FBH1: variants seen among roughly 807,000 people sequenced by gnomAD.
FBH1 encodes the protein F-box DNA helicase 1, also known as DNA 3'-5' helicase 1.
FBH1 carries 43 observed loss-of-function variants against 115.5 expected under a neutral mutation model. The observed-to-expected ratio is 0.37, with a 90% CI of 0.29 to 0.48. FBH1 has a LOEUF of 0.48. Ranked by LOEUF, FBH1 falls within the 20% of genes least tolerant of loss-of-function variation. The pLI, the probability that FBH1 is intolerant of heterozygous loss-of-function variation, is 0.99. For synonymous variants in FBH1, 524 were observed against 507.8 expected, an observed-to-expected ratio of 1.03 and a Z score of -0.43; for missense variants, 1,001 against 1,337.3, an observed-to-expected ratio of 0.75 and a Z score of 3.92.
Position 5,900,639 on chromosome 10 carries a change from A to G in FBH1, c.2-2381A>G, listed in dbSNP as rs937954378. Among the ~76,000 whole-genome samples, 2 of 152,246 alleles carry G rather than the reference A, an allele frequency of 1.3e-5. No individual in the cohort carries two copies. Among genetic ancestry groups the G allele is most frequent in the African/African-American group, 2.4e-5 (1 of 41,466 alleles). On this transcript the variant is annotated intron_variant, in intron 1 of 20. Transcript: ENST00000362091. This position sits in a 1 kb window ranked among gnomAD's most constrained non-coding sequence, Gnocchi z 4.2. ...ATTGATTTTGGAAAAGTCTTAAAAT[A>G]TTCATGAAGTTTTTTTTTAAAAAAG...
rs1589127598 is a variant in FBH1, at chr10:5,936,403, A to G, written c.2830-53A>G. On this transcript the variant is annotated intron_variant, in intron 19 of 20. Transcript: ENST00000362091. The surrounding 1 kb of genome is among the most constrained non-coding windows in gnomAD (Gnocchi z 5.6). ...AGCCGCCGCTATCAGTGTTTCCAGT[A>G]GACCCTAACGGAGGTGTCGCCATGA... The G allele has an allele frequency of 6.3e-7, 1 of 1,597,554 alleles. No homozygotes were observed. Among genetic ancestry groups the G allele is most frequent in the East Asian group, 2.2e-5 (1 of 44,450 alleles).
In FBH1 at chr10:5,917,066, A is replaced by C; in HGVS notation, c.1789-354A>C. 4.1e-6 allele frequency: 1 copy of C among 245,034 alleles called. No homozygotes were observed. Among genetic ancestry groups the C allele is most frequent in the Non-Finnish European group, 8.1e-6 (1 of 123,190 alleles). 15.2% of individuals were successfully genotyped at this position (245,034 alleles called of 1,614,324 possible). On this transcript the variant is annotated intron_variant, in intron 10 of 20. Coordinates refer to ENST00000362091, the MANE Select transcript of FBH1 (RefSeq NM_178150.3). This position sits in a 1 kb window ranked among gnomAD's most constrained non-coding sequence, Gnocchi z 5.6. ...TATGGAATAGATTTTGCTAGTGGGA[A>C]AGTCTGTTTCTTTTTTTCATCAAGT...
intron 1 of FBH1, among the ~76,000 whole-genome samples, chr10:5,893,317 AAAAC>A (rs999142766): frequency 6.6e-5 from 10 of 152,316 alleles, no homozygotes; most frequent in East Asian, 1.9e-4. Context: ...CTGAAAACAA[AAAAC>A]AAACAAACAA....
Position 5,917,214 on chromosome 10 carries a change from G to A in FBH1, c.1789-206G>A. 3.4e-6 allele frequency: 2 copies of A among 584,708 alleles called. No individual in the cohort carries two copies. The highest frequency in any genetic ancestry group is 3.1e-6 in the Non-Finnish European group (1 of 325,312). The allele number at this position is 584,708 out of a possible 1,614,324, so 36.2% of individuals were successfully genotyped here. On this transcript the variant is annotated intron_variant, in intron 10 of 20. Transcript: ENST00000362091. The surrounding 1 kb of genome is among the most constrained non-coding windows in gnomAD (Gnocchi z 5.6). ...TCTGTCCTGTCACGGGCATGGCACG[G>A]CCCGGCTGCTTCCTGTCTCAGCACT...
intron 2 of FBH1, among the ~76,000 whole-genome samples, chr10:5,903,841 T>C (rs1048737080): frequency 7.9e-5 from 12 of 152,194 alleles, no homozygotes; most frequent in African/African-American, 2.9e-4. Context: ...TCATTGTTTT[T>C]CCTCCAAAAT....
At chr10:5,898,824 T>C (rs893951962) in intron 1 of FBH1, among the ~76,000 whole-genome samples, 5 of 152,220 alleles carry the variant, frequency 3.3e-5, no homozygotes, top group African/African-American at 1.2e-4. Flanking sequence ...CCACGCTATC[T>C]ACATACAGAG....
At position 5,903,011 on chromosome 10, in the gene FBH1, A is replaced by G. The variant is rs1843450747; in HGVS notation, c.2-9A>G. The stretch of plus-strand genomic sequence containing the variant: ...TATCCCCTTTCTTCTACCTGCTGGT[A>G]TGAAACAGTGAGACGGTTTAAGCGG... On this transcript the variant is annotated splice_polypyrimidine_tract_variant and intron_variant, in intron 1 of 20. Transcript: ENST00000362091. 4 of 1,601,976 alleles carry G rather than the reference A, an allele frequency of 2.5e-6. No individual in the cohort carries two copies. The highest frequency in any genetic ancestry group is 1.1e-5 in the South Asian group (1 of 89,620).
At chr10:5,894,656 C>A in intron 1 of FBH1, 1 of 700,726 alleles carries the variant, frequency 1.4e-6, no homozygotes. Context: ...CCAAGGAAGA[C>A]AGCCCACACT....
Position 5,921,626 on chromosome 10 carries a change from C to T in FBH1, c.2322+57C>T, listed in dbSNP as rs553241863. The T allele has an allele frequency of 1.5e-5, 23 of 1,552,508 alleles. No individual in the cohort carries two copies. The Admixed American group carries it at 4.7e-4, about 32-fold the overall frequency. On this transcript the variant is annotated intron_variant, in intron 15 of 20. Transcript: ENST00000362091. This position sits in a 1 kb window ranked among gnomAD's most constrained non-coding sequence, Gnocchi z 6.4. ...CACAGAAACGTTGTAGACGAACATA[C>T]CCAATGGAAATGTTCACCTTCCTTG...
intron 1 of FBH1, among the ~76,000 whole-genome samples, chr10:5,892,741 A>G (rs1842803724): frequency 6.6e-6 from 1 of 152,246 alleles, no homozygotes; most frequent in African/African-American, 2.4e-5. Flanking sequence ...AACATGGTTA[A>G]TGACATTAAC....
In FBH1 at chr10:5,932,721, T is replaced by C. The variant is rs1788520688; in HGVS notation, c.2830-3735T>C. On this transcript the variant is annotated intron_variant, in intron 19 of 20. Transcript: ENST00000362091. This position sits in a 1 kb window ranked among gnomAD's most constrained non-coding sequence, Gnocchi z 5.9. Reference sequence around the variant, plus strand: ...CAAGTGTGACTTTTCTGTTGTTTTGTTTTGTTTTGTTTTTGAGACAAGGCC... The same window carrying C: ...CAAGTGTGACTTTTCTGTTGTTTTGCTTTGTTTTGTTTTTGAGACAAGGCC... Among the ~76,000 whole-genome samples, 1 of 152,044 alleles carries C rather than the reference T, an allele frequency of 6.6e-6. No homozygotes were observed. Among genetic ancestry groups the C allele is most frequent in the Admixed American group, 6.5e-5 (1 of 15,268 alleles).
chr10:5,891,646 G>T (rs1269454477), intron 1 of FBH1, among the ~76,000 whole-genome samples: 1 of 152,232 alleles, frequency 6.6e-6, no homozygotes, highest in East Asian at 1.9e-4. Context: ...GTCTCGCTCT[G>T]TTGCTCCGGG....
chr10:5,906,342 C>G lies in FBH1; in HGVS notation c.463C>G (p.Pro155Ala). The G allele has an allele frequency of 1.9e-6, 3 of 1,614,226 alleles. No homozygotes were observed. In the South Asian group the frequency reaches 3.3e-5, roughly 18 times the overall value. ...AGCTCCACGGCACCATTTGTCTGTG[C>G]CATGCACAAGGCCTAGGGAGGCCAG... Reference protein sequence around the residue: ...KKAPRHHLSVPCTRPREARQE... With the variant: ...KKAPRHHLSVACTRPREARQE... Residue 155 changes from proline to alanine, a missense_variant, in exon 3 of 21, where the codon CCA becomes GCA. Physicochemically the swap from Pro to Ala is conservative, Grantham distance 27. Transcript: ENST00000362091. This position sits in a 1 kb window ranked among gnomAD's most constrained non-coding sequence, Gnocchi z 7.3.
intron 1 of FBH1, among the ~76,000 whole-genome samples, chr10:5,896,846 G>A (rs925742961): frequency 6.6e-6 from 1 of 152,164 alleles, no homozygotes; most frequent in African/African-American, 2.4e-5. Flanking sequence ...GGTGTAAAGT[G>A]CACTTGCTGT....
rs549078772 is a variant in FBH1 at position 5,936,381 on chromosome 10, C to T, written c.2830-75C>T. On this transcript the variant is annotated intron_variant, in intron 19 of 20. Coordinates refer to ENST00000362091, the MANE Select transcript of FBH1 (RefSeq NM_178150.3). This position sits in a 1 kb window ranked among gnomAD's most constrained non-coding sequence, Gnocchi z 5.6. ...TGCATCTAAAGGGTTCTCACAGAGC[C>T]GCCGCTATCAGTGTTTCCAGTAGAC... 73 of 1,552,192 alleles carry T rather than the reference C, an allele frequency of 4.7e-5. 2 individuals are homozygous for T. In the Admixed American group the frequency reaches 5.1e-4, roughly 11 times the overall value.
At chr10:5,898,226 AAGATCGAGGTGCCAGC>A (rs1459645741) in intron 1 of FBH1, among the ~76,000 whole-genome samples, 1 of 152,200 alleles carries the variant, frequency 6.6e-6, no homozygotes, top group Non-Finnish European at 1.5e-5. Flanking sequence ...CTGGAAGTCT[AAGATCGAGGTGCCAGC>A]AGATTTGGTG....
chr10:5,936,417 G>A lies in FBH1; in HGVS notation c.2830-39G>A. ...GTGTTTCCAGTAGACCCTAACGGAG[G>A]TGTCGCCATGACTCTCTTTCTCGCT... On this transcript the variant is annotated intron_variant, in intron 19 of 20. Coordinates refer to ENST00000362091, the MANE Select transcript of FBH1 (RefSeq NM_178150.3). The surrounding 1 kb of genome is among the most constrained non-coding windows in gnomAD (Gnocchi z 5.6). The A allele has an allele frequency of 3.1e-6, 5 of 1,606,666 alleles. No individual in the cohort carries two copies. Among genetic ancestry groups the A allele is most frequent in the Non-Finnish European group, 3.4e-6 (4 of 1,176,210 alleles).
At position 5,917,566 on chromosome 10, in the gene FBH1, C is replaced by G. The variant is rs768860092; in HGVS notation, c.1877-24C>G. ...TGGGACTGCCTTCCTGGCGTTACAA[C>G]TCCTGCGTCTCTCCTTATTTTAGGC... On this transcript the variant is annotated intron_variant, in intron 11 of 20. Coordinates refer to ENST00000362091, the MANE Select transcript of FBH1 (RefSeq NM_178150.3). This position sits in a 1 kb window ranked among gnomAD's most constrained non-coding sequence, Gnocchi z 5.6. 1 of 1,613,718 alleles carries G rather than the reference C, an allele frequency of 6.2e-7. No homozygotes were observed. Among genetic ancestry groups the G allele is most frequent in the Non-Finnish European group, 8.5e-7 (1 of 1,179,708 alleles).
rs1843248127 is a variant in FBH1, at chr10:5,900,108, T to C, written c.2-2912T>C. Among the ~76,000 whole-genome samples the C allele has an allele frequency of 6.6e-6, 1 of 152,338 alleles. No individual in the cohort carries two copies. The highest frequency in any genetic ancestry group is 2.1e-4 in the South Asian group (1 of 4,828). On this transcript the variant is annotated intron_variant, in intron 1 of 20. Transcript: ENST00000362091. This position sits in a 1 kb window ranked among gnomAD's most constrained non-coding sequence, Gnocchi z 4.2. ...AGAAGGTATTTCCAGTAATACAGAA[T>C]TGGCTGTATTTGGGCTGCTAATACA...
Sources: gnomAD v4.1 joint callset for allele counts (sites outside exome capture counted in the v4.1 genomes callset) on GRCh38, gnomAD v4.1.1 for gene constraint, Gnocchi (gnomAD v3.1) non-coding constraint, MANE v1.5 for transcripts, NCBI Gene and HGNC (gene_info 2026-07-23, HGNC 2026-07-21) for gene names.